Variants in PTPN13 observed in about 807,000 individuals in gnomAD.
The protein encoded by PTPN13 is tyrosine-protein phosphatase non-receptor type 13.
Under a neutral mutation model 284.0 loss-of-function variants are expected in PTPN13, and 191 were observed. That is an observed-to-expected ratio of 0.67 (90% CI 0.60 to 0.76). The LOEUF is 0.76. Among genes scored for constraint, PTPN13 ranks in the 30% least tolerant of loss-of-function variants. The pLI is 0.00. For missense variants in PTPN13, 2,797 were observed against 2,939.9 expected (o/e 0.95, Z 1.12); for synonymous variants, 986 against 1,022.3 (o/e 0.96, Z 0.68).
intron 15 of PTPN13, among the ~76,000 whole-genome samples, chr4:86,739,118 T>C (rs1056835566): frequency 1.3e-5 from 2 of 152,218 alleles, no homozygotes; most frequent in Non-Finnish European, 2.9e-5. Flanking sequence ...AGTTTTATGC[T>C]TTTAGTGCCT....
At chr4:86,652,816 C>T (rs1245924943) in intron 2 of PTPN13, among the ~76,000 whole-genome samples, 2 of 151,950 alleles carry the variant, frequency 1.3e-5, no homozygotes, top group African/African-American at 4.8e-5. Context: ...GAAGAGTTCT[C>T]TGTAACTAAA....
chr4:86,675,218 G>A (rs1329598577), intron 3 of PTPN13, among the ~76,000 whole-genome samples: 1 of 152,150 alleles, frequency 6.6e-6, no homozygotes, highest in Non-Finnish European at 1.5e-5. Flanking sequence ...GTGTGGGATT[G>A]TTGCCATTAT....
chr4:86,613,665 A>G (rs1017398733), intron 1 of PTPN13, among the ~76,000 whole-genome samples: 2 of 151,208 alleles, frequency 1.3e-5, no homozygotes, highest in Non-Finnish European at 2.9e-5. Context: ...TTTGGGGAGT[A>G]GTGAGAACCC....
At chr4:86,692,380 C>G (rs1241526469) in intron 5 of PTPN13, among the ~76,000 whole-genome samples, 1 of 152,146 alleles carries the variant, frequency 6.6e-6, no homozygotes, top group South Asian at 2.1e-4. Flanking sequence ...AAACATAATG[C>G]TTGAGCCTTG....
intron 2 of PTPN13, among the ~76,000 whole-genome samples, chr4:86,658,687 C>T (rs565371935): frequency 2.6e-5 from 4 of 151,976 alleles, no homozygotes; most frequent in Non-Finnish European, 5.9e-5. Context: ...CCTCTGAGTT[C>T]CAGAAGGAAA....
intron 3 of PTPN13, among the ~76,000 whole-genome samples, chr4:86,682,943 T>C (rs1266443296): frequency 1.3e-5 from 2 of 152,216 alleles, no homozygotes; most frequent in East Asian, 1.9e-4. Context: ...TTAACAAAGA[T>C]CTGACATACC....
Position 86,796,748 on chromosome 4 carries a change from A to G in PTPN13, c.6346-126A>G, listed in dbSNP as rs922576494. The G allele has an allele frequency of 2.1e-4, 131 of 638,332 alleles. 1 individual carries two copies. In the Middle Eastern group the frequency reaches 2.5e-3, roughly 12 times the overall value. The allele number at this position is 638,332 out of a possible 1,614,324, so 39.5% of individuals were successfully genotyped here. Reference sequence around the variant, plus strand: ...TTGGAGTGTATTAATTGAATGTCATATGTGTCTTTGTAATATAAGGATGAA... The same window carrying G: ...TTGGAGTGTATTAATTGAATGTCATGTGTGTCTTTGTAATATAAGGATGAA... On this transcript the variant is annotated intron_variant, in intron 40 of 47. Coordinates refer to ENST00000411767, the MANE Select transcript of PTPN13 (RefSeq NM_080683.3).
intron 14 of PTPN13, 57 bp from the exon 15 acceptor site, chr4:86,735,537 A>C: frequency 1.3e-6 from 2 of 1,566,594 alleles, no homozygotes; most frequent in African/African-American, 1.4e-5. Context: ...ATAGAAGGAA[A>C]AGGGTTTACT....
chr4:86,775,806 C>T (rs952114482), intron 35 of PTPN13, among the ~76,000 whole-genome samples, 154 bp downstream of exon 35: 5 of 151,986 alleles, frequency 3.3e-5, no homozygotes, highest in African/African-American at 1.2e-4. Context: ...TCTTGATAGG[C>T]GATTTTGAGA....
intron 1 of PTPN13, among the ~76,000 whole-genome samples, chr4:86,602,672 A>C (rs1189031008): frequency 6.6e-6 from 1 of 151,642 alleles, no homozygotes; most frequent in Non-Finnish European, 1.5e-5. Context: ...ATCCTTTTCA[A>C]ACTACTATAA....
chr4:86,778,589 G>A (rs1578648734), intron 35 of PTPN13, among the ~76,000 whole-genome samples: 1 of 152,140 alleles, frequency 6.6e-6, no homozygotes, highest in Non-Finnish European at 1.5e-5. Flanking sequence ...CTAGCGTTTT[G>A]GAAGAGGAAA....
chr4:86,791,247 C>T (rs1041243318), intron 40 of PTPN13, among the ~76,000 whole-genome samples: 1 of 152,198 alleles, frequency 6.6e-6, no homozygotes, highest in Admixed American at 6.5e-5. Context: ...ACTGCCAGCG[C>T]AGCAGTCTGA....
intron 1 of PTPN13, among the ~76,000 whole-genome samples, chr4:86,610,211 AAAAAT>A (rs778205519): frequency 1.2e-4 from 18 of 152,052 alleles, no homozygotes; most frequent in Non-Finnish European, 2.1e-4. Context: ...ACTCCATCTC[AAAAAT>A]AAAATAAAAT....
chr4:86,784,090 A>G (rs1345233041), intron 37 of PTPN13, among the ~76,000 whole-genome samples: 1 of 152,090 alleles, frequency 6.6e-6, no homozygotes, highest in Non-Finnish European at 1.5e-5. Context: ...TTAAAATTGT[A>G]TGAAAGACAA....
intron 36 of PTPN13, 25 bp downstream of exon 36, chr4:86,780,497 ACT>A (rs757440224): frequency 2.1e-6 from 3 of 1,461,548 alleles, no homozygotes; most frequent in South Asian, 2.3e-5. Flanking sequence ...ATTTTACTGT[ACT>A]CTCCTACGGT....
intron 1 of PTPN13, among the ~76,000 whole-genome samples, chr4:86,627,849 G>A (rs1415656064): frequency 6.6e-6 from 1 of 152,016 alleles, no homozygotes; most frequent in Non-Finnish European, 1.5e-5. Context: ...TCTTCATTTA[G>A]CATAATTATT....
In PTPN13 at chr4:86,807,911, A is replaced by T; in HGVS notation, c.7083+14A>T. 6.3e-7 allele frequency: 1 copy of T among 1,591,756 alleles called. No homozygotes were observed. Among genetic ancestry groups the T allele is most frequent in the Non-Finnish European group, 8.6e-7 (1 of 1,165,940 alleles). On this transcript the variant is annotated intron_variant, in intron 45 of 47. Transcript: ENST00000411767. ...GAAGATATTCAGGTAAGTGAATGAAATCTTTCCCTGTTGGAAGGTGTATCT... is the reference window on the plus strand; with the variant it reads ...GAAGATATTCAGGTAAGTGAATGAATTCTTTCCCTGTTGGAAGGTGTATCT...
At chr4:86,618,298 G>A (rs913042728) in intron 1 of PTPN13, among the ~76,000 whole-genome samples, 7 of 152,086 alleles carry the variant, frequency 4.6e-5, no homozygotes, top group Admixed American at 2.0e-4. Flanking sequence ...CTCTCTTTTG[G>A]TACCAGTACC....
In PTPN13 at chr4:86,618,864, C is replaced by T. The variant is rs543547034; in HGVS notation, c.-5-16388C>T. On this transcript the variant is annotated intron_variant, in intron 1 of 47. Coordinates refer to ENST00000411767, the MANE Select transcript of PTPN13 (RefSeq NM_080683.3). ...GGGTTTTCTAGGTATACAATCATGT[C>T]GTCTGCAAACAGGGACAATTTGACT... Among the ~76,000 whole-genome samples the T allele has an allele frequency of 3.2e-3, 487 of 152,248 alleles. 1 individual carries two copies. The highest frequency in any genetic ancestry group is 0.011 in the African/African-American group (469 of 41,544).
Sources: allele counts gnomAD v4.1 joint callset (sites outside exome capture counted in the v4.1 genomes callset), GRCh38; gene constraint gnomAD v4.1.1; transcripts MANE v1.5; gene names NCBI Gene and HGNC (gene_info 2026-07-23, HGNC 2026-07-21).